Variants in VPS26A observed in about 807,000 individuals in gnomAD.
VPS26A encodes VPS26 retromer complex component A.
A neutral mutation model predicts 42.4 loss-of-function variants in VPS26A; 22 were observed. That is an observed-to-expected ratio of 0.52 (90% CI 0.37 to 0.74). VPS26A has a LOEUF of 0.74. Ranked by LOEUF, VPS26A falls within the 30% of genes least tolerant of loss-of-function variation. The probability of loss-of-function intolerance (pLI) is 0.00; values close to 1 mark genes in which losing one functional copy is unlikely to be tolerated. For synonymous variants in VPS26A, 110 were observed against 123.5 expected (o/e 0.89, Z 0.73); for missense variants, 276 against 379.2 (o/e 0.73, Z 2.26).
At chr10:69,145,914 A>G (rs755100878) in intron 2 of VPS26A, among the ~76,000 whole-genome samples, 15 of 152,006 alleles carry the variant, frequency 9.9e-5, no homozygotes, top group Non-Finnish European at 1.9e-4. Context: ...GAGAACCACT[A>G]ATTTACAAAT....
At chr10:69,166,237 A>C in intron 7 of VPS26A, 127 bp downstream of exon 7, 1 of 841,342 alleles carries the variant, frequency 1.2e-6, no homozygotes, top group Non-Finnish European at 1.9e-6. Context: ...GATAGCTTTT[A>C]AGGTCATCTT....
intron 2 of VPS26A, among the ~76,000 whole-genome samples, chr10:69,147,252 T>A (rs934302937): frequency 1.3e-5 from 2 of 152,198 alleles, no homozygotes; most frequent in Non-Finnish European, 2.9e-5. Context: ...ACTATTTTTT[T>A]AATTGGGTTA....
Position 69,171,251 on chromosome 10 carries a change from C to G in VPS26A, c.966C>G (p.Ala322=). 5 of 1,613,166 alleles carry G rather than the reference C, an allele frequency of 3.1e-6. No individual in the cohort carries two copies. Among genetic ancestry groups the G allele is most frequent in the South Asian group, 1.1e-5 (1 of 90,842 alleles). ...AATCTCCAGAATCACAGGCATCTGC[C>G]GAACAGCCTGAAATGTGAACTGAAC... The part of the protein sequence containing the change: ...RFESPESQAS[A]EQPEM The change falls in exon 9 of 9, where the codon GCC becomes GCG. Residue 322 remains alanine, a synonymous_variant. Coordinates refer to ENST00000263559, the MANE Select transcript of VPS26A (RefSeq NM_004896.5).
chr10:69,163,926 C>G (rs995606700), intron 6 of VPS26A, among the ~76,000 whole-genome samples: 1 of 151,186 alleles, frequency 6.6e-6, no homozygotes, highest in African/African-American at 2.4e-5. Context: ...CCATCACGCC[C>G]GGCTAATTTT....
chr10:69,128,055 G>A (rs755883939), intron 1 of VPS26A, among the ~76,000 whole-genome samples: 16 of 150,676 alleles, frequency 1.1e-4, no homozygotes, highest in Non-Finnish European at 1.8e-4. Flanking sequence ...AGGATAGCAC[G>A]TAGTTTTTCA....
At chr10:69,136,939 G>A (rs1313051155) in intron 2 of VPS26A, among the ~76,000 whole-genome samples, 7 of 151,844 alleles carry the variant, frequency 4.6e-5, no homozygotes, top group Non-Finnish European at 1.0e-4. Context: ...TTACAGGCAC[G>A]TGCCACCATG....
chr10:69,140,514 A>C (rs540639142), intron 2 of VPS26A, among the ~76,000 whole-genome samples: 21 of 152,038 alleles, frequency 1.4e-4, no homozygotes, highest in Non-Finnish European at 2.8e-4. Context: ...CTAGGACCAC[A>C]GGGCACACTA....
In VPS26A at chr10:69,157,084, C is replaced by T; in HGVS notation, c.307C>T (p.Gln103Ter). ...KELALPGELT[Q>*]SRSYDFEFMQ... ...ACTAGCCTTACCTGGAGAACTGACT[C>T]AGAGCAGAAGTTATGATTTTGAATT... Residue 103 changes from glutamine to a stop codon, truncating the protein, a stop_gained, in exon 4 of 9, where the codon CAG becomes TAG. Transcript: ENST00000263559. LOFTEE classifies it high-confidence loss of function. 1 of 1,613,650 alleles carries T rather than the reference C, an allele frequency of 6.2e-7. No homozygotes were observed. The highest frequency in any genetic ancestry group is 8.5e-7 in the Non-Finnish European group (1 of 1,179,718).
intron 2 of VPS26A, among the ~76,000 whole-genome samples, chr10:69,140,289 G>T (rs112379672): frequency 2.3e-3 from 350 of 152,148 alleles, no homozygotes; most frequent in African/African-American, 7.8e-3. Context: ...GCTCAGGCTG[G>T]TCTCAAACTC....
intron 1 of VPS26A, among the ~76,000 whole-genome samples, chr10:69,131,199 C>G (rs553664731): frequency 2.0e-5 from 3 of 152,092 alleles, no homozygotes; most frequent in South Asian, 2.1e-4. Context: ...AGGCTTGTCC[C>G]GAACTGCTGA....
intron 5 of VPS26A, among the ~76,000 whole-genome samples, chr10:69,161,102 C>G (rs113711426): frequency 0.042 from 6,340 of 152,232 alleles, 463 homozygotes; most frequent in African/African-American, 0.14. Context: ...CTCTGTCACC[C>G]AGGCTGGAGT....
chr10:69,159,390 A>C (rs896770982), intron 5 of VPS26A, among the ~76,000 whole-genome samples: 1 of 152,004 alleles, frequency 6.6e-6, no homozygotes, highest in Non-Finnish European at 1.5e-5. Flanking sequence ...CAAAAAAAAA[A>C]ACAAAAAAAA....
intron 2 of VPS26A, among the ~76,000 whole-genome samples, chr10:69,151,041 A>T (rs1841292151): frequency 6.6e-6 from 1 of 151,758 alleles, no homozygotes; most frequent in Non-Finnish European, 1.5e-5. Context: ...CGAGGCAGGC[A>T]GATCAAGAGG....
intron 1 of VPS26A, among the ~76,000 whole-genome samples, chr10:69,130,220 A>G (rs1010294520): frequency 6.6e-6 from 1 of 152,248 alleles, no homozygotes; most frequent in African/African-American, 2.4e-5. Context: ...GCTAAATGCC[A>G]TACGCTGCCT....
intron 8 of VPS26A, chr10:69,170,004 G>T (rs1222055842): frequency 6.6e-6 from 1 of 152,200 alleles, no homozygotes; most frequent in Non-Finnish European, 1.5e-5. Flanking sequence ...AATGAAGATA[G>T]TAATTAGAAT....
intron 2 of VPS26A, among the ~76,000 whole-genome samples, chr10:69,136,275 T>C (rs563976973): frequency 2.0e-4 from 30 of 151,718 alleles, no homozygotes; most frequent in African/African-American, 6.8e-4. Context: ...TTTTCTTTTT[T>C]TTTTTTTGAG....
chr10:69,169,379 A>G (rs945877486), intron 8 of VPS26A, among the ~76,000 whole-genome samples: 4 of 152,004 alleles, frequency 2.6e-5, no homozygotes, highest in African/African-American at 9.7e-5. Flanking sequence ...ATCCCTTTTA[A>G]ACAATTCTGT....
chr10:69,168,568 A>C lies in VPS26A; in HGVS notation c.807A>C (p.Ser269=). 4.3e-6 allele frequency: 7 copies of C among 1,614,216 alleles called. No homozygotes were observed. Among genetic ancestry groups the C allele is most frequent in the Middle Eastern group, 1.6e-4 (1 of 6,062 alleles). The change falls in exon 8 of 9, where the codon TCA becomes TCC. Residue 269 remains serine (S), a synonymous_variant. Coordinates refer to ENST00000263559, the MANE Select transcript of VPS26A (RefSeq NM_004896.5). The stretch of plus-strand genomic sequence containing the variant: ...TGAGAGATGTGAACAAAAAATTTTC[A>C]GTAAGGTACTTTTTGAATTTAGTGC... ...PTMRDVNKKF[S]VRYFLNLVLV... is the part of the protein sequence containing the mutation.
rs1486598222 is a variant in VPS26A at position 69,133,214 on chromosome 10, CAA to C, written c.153+169_153+170del. On this transcript the variant is annotated intron_variant, in intron 2 of 8. Coordinates refer to ENST00000263559, the MANE Select transcript of VPS26A (RefSeq NM_004896.5). ...ATTGATTAGAAGATAATCTTTCCTGCAAAGGAAAGATTCTTACCCTGGAAGGC... is the reference window on the plus strand; with the variant it reads ...ATTGATTAGAAGATAATCTTTCCTGCAGGAAAGATTCTTACCCTGGAAGGC... Among the ~76,000 whole-genome samples the C allele has an allele frequency of 2.6e-5, 4 of 151,254 alleles. No homozygotes were observed. The East Asian group carries it at 7.7e-4, about 29-fold the overall frequency.
Sources: gnomAD v4.1 joint callset for allele counts (sites outside exome capture counted in the v4.1 genomes callset) on GRCh38, gnomAD v4.1.1 for gene constraint, MANE v1.5 for transcripts, NCBI Gene and HGNC (gene_info 2026-07-23, HGNC 2026-07-21) for gene names.